Variants in GRID2 observed in about 807,000 individuals in gnomAD.
The protein encoded by GRID2 is glutamate ionotropic receptor delta type subunit 2, also known as glutamate receptor ionotropic, delta-2.
A neutral mutation model predicts 114.8 loss-of-function variants in GRID2; 33 were observed. That is an observed-to-expected ratio of 0.29 (90% CI 0.22 to 0.38). The LOEUF (loss-of-function observed/expected upper bound fraction) is 0.38. Among genes scored for constraint, GRID2 ranks in the 10% least tolerant of loss-of-function variants. GRID2 has a pLI of 1.00. For synonymous variants in GRID2, 505 were observed against 449.9 expected (o/e 1.12, Z -1.55); for missense variants, 1,184 against 1,257.7 (o/e 0.94, Z 0.89).
chr4:92,609,229 T>C (rs2149226717), intron 2 of GRID2, among the ~76,000 whole-genome samples: 1 of 151,834 alleles, frequency 6.6e-6, no homozygotes, highest in Admixed American at 6.6e-5. Flanking sequence ...TATTTAACAT[T>C]ATTTCAGTCT....
intron 2 of GRID2, among the ~76,000 whole-genome samples, chr4:92,647,926 A>T (rs1219371706): frequency 6.7e-6 from 1 of 149,614 alleles, no homozygotes; most frequent in East Asian, 1.9e-4. Context: ...ATTCTCTTGT[A>T]TGATATGTTC....
chr4:93,619,899 T>C (rs922813777), intron 13 of GRID2, among the ~76,000 whole-genome samples: 6 of 152,222 alleles, frequency 3.9e-5, no homozygotes, highest in South Asian at 2.1e-4. Flanking sequence ...CTCCATAGGC[T>C]ATACCTTACA....
intron 8 of GRID2, among the ~76,000 whole-genome samples, chr4:93,366,281 C>T (rs1053179599): frequency 6.6e-6 from 1 of 152,002 alleles, no homozygotes; most frequent in African/African-American, 2.4e-5. Context: ...ATGGAACATC[C>T]CTGAGAAAGA....
intron 14 of GRID2, among the ~76,000 whole-genome samples, chr4:93,645,902 A>T (rs758064835): frequency 3.5e-4 from 54 of 152,142 alleles, no homozygotes; most frequent in Non-Finnish European, 6.3e-4. Context: ...TTCCATAATA[A>T]AGTAGGTGTT....
At chr4:92,944,787 T>C (rs1035259565) in intron 2 of GRID2, among the ~76,000 whole-genome samples, 2 of 152,230 alleles carry the variant, frequency 1.3e-5, no homozygotes, top group Non-Finnish European at 2.9e-5. Context: ...CACTTTTTTT[T>C]CCTATAGTAT....
chr4:93,568,944 C>T (rs898280543), intron 13 of GRID2, among the ~76,000 whole-genome samples: 3 of 152,146 alleles, frequency 2.0e-5, no homozygotes, highest in Non-Finnish European at 4.4e-5. Context: ...CAACCCTGCG[C>T]AAGATTTACT....
chr4:93,590,939 C>G (rs1738208394), intron 13 of GRID2, among the ~76,000 whole-genome samples: 1 of 151,456 alleles, frequency 6.6e-6, no homozygotes, highest in African/African-American at 2.4e-5. Context: ...TGCTTATCAG[C>G]TTAAGGAGAT....
intron 2 of GRID2, among the ~76,000 whole-genome samples, chr4:92,651,266 C>G (rs987244284): frequency 6.6e-6 from 1 of 152,016 alleles, no homozygotes; most frequent in African/African-American, 2.4e-5. Context: ...GCTGGCTGAT[C>G]ACTCTGGGGA....
chr4:93,113,665 G>A (rs961572035), intron 4 of GRID2, among the ~76,000 whole-genome samples: 3 of 152,196 alleles, frequency 2.0e-5, no homozygotes, highest in African/African-American at 7.2e-5. Flanking sequence ...ATTACAAGAT[G>A]CATGTAATGG....
intron 10 of GRID2, among the ~76,000 whole-genome samples, chr4:93,423,324 T>A (rs1469996983): frequency 6.9e-6 from 1 of 145,338 alleles, no homozygotes; most frequent in South Asian, 2.2e-4. Flanking sequence ...ATTTGTACTA[T>A]TTTTTTTCTT....
rs77508356 is a variant in GRID2 at position 93,474,484 on chromosome 4, T to C, written c.1859-16155T>C. Among the ~76,000 whole-genome samples, 276 of 152,308 alleles carry C rather than the reference T, an allele frequency of 1.8e-3. 5 individuals are homozygous for C. The East Asian group carries it at 0.044, about 24-fold the overall frequency. ...TAATGGGGAGTTTTTCTGAGTCTTA[T>C]AGACAAACTCTTATTCTGTTTGTTT... On this transcript the variant is annotated intron_variant, in intron 11 of 15. Coordinates refer to ENST00000282020, the MANE Select transcript of GRID2 (RefSeq NM_001510.4).
At chr4:92,762,919 T>G (rs1274300520) in intron 2 of GRID2, among the ~76,000 whole-genome samples, 2 of 152,224 alleles carry the variant, frequency 1.3e-5, no homozygotes, top group Non-Finnish European at 2.9e-5. Context: ...ATGTTTTCCA[T>G]GTCTTCTTCA....
chr4:93,455,333 G>A (rs1723076397), intron 10 of GRID2, among the ~76,000 whole-genome samples: 3 of 152,018 alleles, frequency 2.0e-5, no homozygotes, highest in African/African-American at 7.2e-5. Flanking sequence ...TTCCTTTACT[G>A]TTAATGATTG....
At chr4:93,697,938 T>A (rs1727188120) in intron 14 of GRID2, among the ~76,000 whole-genome samples, 1 of 145,734 alleles carries the variant, frequency 6.9e-6, no homozygotes, top group Non-Finnish European at 1.5e-5. Context: ...AAAAGAAAAA[T>A]TTTAACACCT....
intron 2 of GRID2, among the ~76,000 whole-genome samples, chr4:92,704,594 A>T (rs1338804401): frequency 2.6e-5 from 4 of 152,160 alleles, no homozygotes; most frequent in African/African-American, 9.7e-5. Context: ...CATAGAATGG[A>T]TAACAGTGAT....
intron 4 of GRID2, among the ~76,000 whole-genome samples, chr4:93,121,476 T>C (rs766751705): frequency 2.0e-5 from 3 of 152,230 alleles, no homozygotes; most frequent in Non-Finnish European, 4.4e-5. Flanking sequence ...TTCATCCATG[T>C]TGAAGTTTGT....
intron 13 of GRID2, among the ~76,000 whole-genome samples, chr4:93,592,668 C>T: frequency 6.6e-6 from 1 of 152,080 alleles, no homozygotes; most frequent in Admixed American, 6.6e-5. Context: ...GTTAAAGTCT[C>T]CCACTATTAA....
At chr4:93,454,023 G>C (rs914952286) in intron 10 of GRID2, among the ~76,000 whole-genome samples, 1 of 152,034 alleles carries the variant, frequency 6.6e-6, no homozygotes, top group African/African-American at 2.4e-5. Flanking sequence ...ATCCAGGTTA[G>C]ATTTTCCATC....
chr4:92,826,633 G>A (rs553103599), intron 2 of GRID2, among the ~76,000 whole-genome samples: 9 of 152,208 alleles, frequency 5.9e-5, no homozygotes, highest in South Asian at 2.1e-4. Flanking sequence ...AATCATAGCA[G>A]TTAAGCTTAC....
Sources: gnomAD v4.1 joint callset for allele counts (sites outside exome capture counted in the v4.1 genomes callset) on GRCh38, gnomAD v4.1.1 for gene constraint, MANE v1.5 for transcripts, NCBI Gene and HGNC (gene_info 2026-07-23, HGNC 2026-07-21) for gene names.